The following C14orf39 variants were observed in gnomAD, a reference collection of about 807,000 sequenced individuals.
The protein encoded by C14orf39 is chromosome 14 open reading frame 39.
In C14orf39, 66 loss-of-function variants were observed where a neutral mutation model predicts 85.6. That is an observed-to-expected ratio of 0.77 (90% CI 0.63 to 0.95). C14orf39 has a LOEUF of 0.95. C14orf39 is among the 40% of genes least tolerant of loss of function. The pLI is 0.00. For synonymous variants in C14orf39, 242 were observed against 214.0 expected, an observed-to-expected ratio of 1.13 and a Z score of -1.14; for missense variants, 735 against 663.9, an observed-to-expected ratio of 1.11 and a Z score of -1.18.
chr14:60,471,545 T>C lies in C14orf39; in HGVS notation c.511+7A>G, dbSNP rs760661998. 1.3e-6 allele frequency: 2 copies of C among 1,588,524 alleles called. No homozygotes were observed. The highest frequency in any genetic ancestry group is 1.4e-5 in the African/African-American group (1 of 73,282). On this transcript the variant is annotated splice_region_variant and intron_variant, in intron 6 of 17. Coordinates refer to ENST00000321731, the MANE Select transcript of C14orf39 (RefSeq NM_174978.3). ...TAATTAAAACAATATAACAAAAATA[T>C]TAATACCTCGAAATTTCATAAAAAT... is the stretch of plus-strand genomic sequence containing the variant.
intron 5 of C14orf39, among the ~76,000 whole-genome samples, chr14:60,474,537 T>C (rs1256232996): frequency 1.3e-5 from 2 of 150,780 alleles, no homozygotes; most frequent in Non-Finnish European, 3.0e-5. Flanking sequence ...GGCTGTGGGT[T>C]TGTCATAAAT....
intron 8 of C14orf39, 151 bp from the exon 9 acceptor site, chr14:60,468,687 A>C: frequency 2.3e-6 from 1 of 431,224 alleles, no homozygotes; most frequent in South Asian, 6.1e-5. Flanking sequence ...TAAAACAAAA[A>C]CAAAATTAAC....
chr14:60,454,093 A>T (rs1423787734), intron 16 of C14orf39, among the ~76,000 whole-genome samples: 1 of 151,914 alleles, frequency 6.6e-6, no homozygotes, highest in Non-Finnish European at 1.5e-5. Context: ...TTTTAAAATA[A>T]GCATTTAAAT....
chr14:60,501,638 C>A (rs1320069620), intron 1 of C14orf39, among the ~76,000 whole-genome samples: 1 of 152,214 alleles, frequency 6.6e-6, no homozygotes. Flanking sequence ...GAAACAAATA[C>A]AGAGGGCATT....
At chr14:60,474,875 G>A (rs1260580897) in intron 5 of C14orf39, among the ~76,000 whole-genome samples, 2 of 152,070 alleles carry the variant, frequency 1.3e-5, no homozygotes, top group East Asian at 3.8e-4. Context: ...TTTTTGTTGT[G>A]TCTTCACCAG....
At chr14:60,505,083 T>C (rs1484187955) in intron 1 of C14orf39, among the ~76,000 whole-genome samples, 3 of 152,246 alleles carry the variant, frequency 2.0e-5, no homozygotes, top group Non-Finnish European at 2.9e-5. Context: ...ATTTTAATTG[T>C]AATACTTTTT....
intron 7 of C14orf39, among the ~76,000 whole-genome samples, chr14:60,469,928 AG>A (rs1891990392): frequency 1.1e-5 from 1 of 93,254 alleles, no homozygotes; most frequent in African/African-American, 3.2e-5. Flanking sequence ...TTCACAGGGT[AG>A]TTTTTTTTTT....
At chr14:60,465,324 G>C (rs1891732567) in intron 11 of C14orf39, among the ~76,000 whole-genome samples, 1 of 152,076 alleles carries the variant, frequency 6.6e-6, no homozygotes, top group Non-Finnish European at 1.5e-5. Context: ...TTTTCAGGAA[G>C]AATGGGGAAA....
chr14:60,449,519 A>G (rs1254331), intron 16 of C14orf39, among the ~76,000 whole-genome samples: 56,143 of 151,860 alleles, frequency 0.37, 11,418 homozygotes, highest in East Asian at 0.69. Context: ...TATTACTCTA[A>G]CCTTATAGGA....
At chr14:60,453,122 GT>G (rs1427699804) in intron 16 of C14orf39, among the ~76,000 whole-genome samples, 1 of 151,966 alleles carries the variant, frequency 6.6e-6, no homozygotes, top group Non-Finnish European at 1.5e-5. Flanking sequence ...TACTGATTGT[GT>G]TATCTAATTC....
chr14:60,478,956 A>G (rs1401041187), intron 4 of C14orf39, among the ~76,000 whole-genome samples: 1 of 152,116 alleles, frequency 6.6e-6, no homozygotes, highest in Non-Finnish European at 1.5e-5. Flanking sequence ...AACTTGAAAG[A>G]ATATTACCAA....
At chr14:60,509,954 G>A in intron 1 of C14orf39, 1 of 1,605,538 alleles carries the variant, frequency 6.2e-7, no homozygotes, top group Non-Finnish European at 8.5e-7. Flanking sequence ...GGACCGAGCG[G>A]CTGCAGCCAA....
chr14:60,447,448 C>T (rs1028858948), intron 16 of C14orf39, among the ~76,000 whole-genome samples: 4 of 152,146 alleles, frequency 2.6e-5, no homozygotes, highest in Admixed American at 6.5e-5. Context: ...TTCACAAATG[C>T]TTCAAAGAGA....
Position 60,458,820 on chromosome 14 carries a change from C to T in C14orf39, c.1118-81G>A, listed in dbSNP as rs569610875. 6.8e-5 allele frequency: 82 copies of T among 1,199,252 alleles called. 1 individual carries two copies. The South Asian group carries it at 1.1e-3, about 15-fold the overall frequency. The allele number at this position is 1,199,252 out of a possible 1,614,324, so 74.3% of individuals were successfully genotyped here. The stretch of plus-strand genomic sequence containing the variant: ...AACATAGTCTCGCCATTTGAAATTG[C>T]TAATATTTAGCTGTTTTAACCTACA... On this transcript the variant is annotated intron_variant, in intron 13 of 17. Coordinates refer to ENST00000321731, the MANE Select transcript of C14orf39 (RefSeq NM_174978.3).
intron 4 of C14orf39, 151 bp downstream of exon 4, chr14:60,483,540 T>C: frequency 1.8e-6 from 1 of 565,024 alleles, no homozygotes; most frequent in Non-Finnish European, 2.9e-6. Context: ...GATCCTCCTA[T>C]AATCCCTTTA....
chr14:60,468,550 TG>T lies in C14orf39; in HGVS notation c.676-15del. On this transcript the variant is annotated splice_polypyrimidine_tract_variant and intron_variant, in intron 8 of 17. Coordinates refer to ENST00000321731, the MANE Select transcript of C14orf39 (RefSeq NM_174978.3). ...CCTAGATATCTGCTAAAAAGACAAT[TG>T]GGAACACAAAACAAAATAATTACTT... is the stretch of plus-strand genomic sequence containing the variant. 6.8e-7 allele frequency: 1 copy of T among 1,475,814 alleles called. No homozygotes were observed. Among genetic ancestry groups the T allele is most frequent in the South Asian group, 1.3e-5 (1 of 77,264 alleles). 91.4% of individuals were successfully genotyped at this position (1,475,814 alleles called of 1,614,324 possible). A position where few individuals can be genotyped will look rare whatever the true frequency, so the allele number is the denominator to read the frequency against.
At chr14:60,509,676 A>C (rs1488297932) in intron 1 of C14orf39, 2 of 1,613,988 alleles carry the variant, frequency 1.2e-6, no homozygotes, top group Non-Finnish European at 8.5e-7. Context: ...CTGTGGCTTG[A>C]AGCACACTAC....
chr14:60,508,298 T>A (rs1206372654), intron 1 of C14orf39, among the ~76,000 whole-genome samples: 7 of 152,178 alleles, frequency 4.6e-5, no homozygotes, highest in African/African-American at 1.7e-4. Flanking sequence ...AGCTTTTAAG[T>A]TGCTGTCCTG....
intron 5 of C14orf39, among the ~76,000 whole-genome samples, chr14:60,476,180 G>T (rs1005321535): frequency 2.6e-5 from 4 of 152,070 alleles, no homozygotes; most frequent in African/African-American, 9.7e-5. Flanking sequence ...TAATCGCTTG[G>T]GAAAAATGGT....
Sources: allele counts gnomAD v4.1 joint callset (sites outside exome capture counted in the v4.1 genomes callset), GRCh38; gene constraint gnomAD v4.1.1; transcripts MANE v1.5; gene names NCBI Gene and HGNC (gene_info 2026-07-23, HGNC 2026-07-21).